Variants in SAMD12 observed in about 807,000 individuals in gnomAD.
The protein encoded by SAMD12 is sterile alpha motif domain-containing protein 12.
A neutral mutation model predicts 15.0 loss-of-function variants in SAMD12; 9 were observed. The ratio of observed to expected loss-of-function variants is 0.60; its 90% CI spans 0.36 to 1.05. The LOEUF (loss-of-function observed/expected upper bound fraction) is 1.05. Among genes scored for constraint, SAMD12 ranks in the 50% least tolerant of loss-of-function variants. The pLI is 0.01. For missense variants in SAMD12, 230 were observed against 234.2 expected, an observed-to-expected ratio of 0.98 and a Z score of 0.12; for synonymous variants, 86 against 90.1, an observed-to-expected ratio of 0.96 and a Z score of 0.25.
intron 4 of SAMD12, among the ~76,000 whole-genome samples, chr8:118,318,485 T>A (rs1291299596): frequency 6.6e-6 from 1 of 151,566 alleles, no homozygotes; most frequent in Non-Finnish European, 1.5e-5. Context: ...CAAATACCCA[T>A]ATGTTCTCAC....
At chr8:118,506,260 A>G (rs1824917130) in intron 2 of SAMD12, among the ~76,000 whole-genome samples, 1 of 152,200 alleles carries the variant, frequency 6.6e-6, no homozygotes, top group South Asian at 2.1e-4. Context: ...TTGCATTGTT[A>G]TCTTTAGTTT....
At chr8:118,542,269 T>C (rs1826007167) in intron 2 of SAMD12, among the ~76,000 whole-genome samples, 1 of 152,192 alleles carries the variant, frequency 6.6e-6, no homozygotes, top group Non-Finnish European at 1.5e-5. Flanking sequence ...TTGAGATCTG[T>C]GAAGATAACT....
chr8:118,225,230 A>G (rs184566727), intron 4 of SAMD12, among the ~76,000 whole-genome samples: 2 of 152,310 alleles, frequency 1.3e-5, no homozygotes, highest in African/African-American at 2.4e-5. Context: ...CCAAAAAACT[A>G]TGCCCCATTC....
At chr8:118,501,229 T>G (rs911004264) in intron 2 of SAMD12, among the ~76,000 whole-genome samples, 1 of 152,240 alleles carries the variant, frequency 6.6e-6, no homozygotes, top group East Asian at 1.9e-4. Flanking sequence ...TCTTGTTTTA[T>G]TCTCTCAATG....
At chr8:118,618,567 C>T (rs1360390371) in intron 1 of SAMD12, among the ~76,000 whole-genome samples, 2 of 152,058 alleles carry the variant, frequency 1.3e-5, no homozygotes, top group Admixed American at 1.3e-4. Context: ...GAGCAGGGCA[C>T]GGTGGCTCAC....
chr8:118,532,737 T>C (rs963363270), intron 2 of SAMD12, among the ~76,000 whole-genome samples: 1 of 152,224 alleles, frequency 6.6e-6, no homozygotes, highest in African/African-American at 2.4e-5. Flanking sequence ...GAGGTGTTTA[T>C]AGCATTCTCT....
chr8:118,599,180 G>C lies in SAMD12; in HGVS notation c.14-18287C>G, dbSNP rs138644502. On this transcript the variant is annotated intron_variant, in intron 1 of 3. Coordinates refer to ENST00000314727, the MANE Select transcript of SAMD12 (RefSeq NM_207506.3). Reference sequence around the variant, plus strand: ...CTAATTCTATTTTGAACTCAAAATGGATGGCGTGTACTTTGTAGTCTGGCA... The same window carrying C: ...CTAATTCTATTTTGAACTCAAAATGCATGGCGTGTACTTTGTAGTCTGGCA... Among the ~76,000 whole-genome samples the C allele has an allele frequency of 5.5e-3, 845 of 152,288 alleles. 8 individuals carry two copies. The highest frequency in any genetic ancestry group is 0.019 in the African/African-American group (810 of 41,558).
intron 2 of SAMD12, among the ~76,000 whole-genome samples, chr8:118,501,424 TACCAC>T (rs1824778705): frequency 6.6e-6 from 1 of 152,214 alleles, no homozygotes; most frequent in African/African-American, 2.4e-5. Flanking sequence ...TCATACTGTA[TACCAC>T]ATATATATAC....
At chr8:118,389,502 G>A (rs1820153910) in intron 3 of SAMD12, among the ~76,000 whole-genome samples, 1 of 152,132 alleles carries the variant, frequency 6.6e-6, no homozygotes, top group South Asian at 2.1e-4. Context: ...TCAGGAGTTC[G>A]AGGCCAGCCT....
chr8:118,484,445 A>T (rs150092450), intron 2 of SAMD12, among the ~76,000 whole-genome samples: 1 of 152,288 alleles, frequency 6.6e-6, no homozygotes, highest in African/African-American at 2.4e-5. Flanking sequence ...TTATCACAAA[A>T]TAATAAAAAT....
At chr8:118,440,657 A>AAAACAC (rs1427448676) in intron 2 of SAMD12, among the ~76,000 whole-genome samples, 81 of 142,210 alleles carry the variant, frequency 5.7e-4, no homozygotes, top group African/African-American at 2.1e-3. Flanking sequence ...TTATGAGGAA[A>AAAACAC]ACACACACAC....
intron 4 of SAMD12, among the ~76,000 whole-genome samples, chr8:118,258,961 C>G (rs942970535): frequency 6.6e-6 from 1 of 152,090 alleles, no homozygotes; most frequent in Non-Finnish European, 1.5e-5. Flanking sequence ...TGTGGATTCT[C>G]ATTTTAGATG....
At chr8:118,240,545 G>A (rs188082520) in intron 4 of SAMD12, among the ~76,000 whole-genome samples, 3 of 152,198 alleles carry the variant, frequency 2.0e-5, no homozygotes, top group African/African-American at 7.2e-5. Context: ...CAAAATGGAG[G>A]TAATAATGGT....
chr8:118,398,264 T>A (rs1820688355), intron 3 of SAMD12, among the ~76,000 whole-genome samples: 1 of 152,130 alleles, frequency 6.6e-6, no homozygotes, highest in Admixed American at 6.5e-5. Flanking sequence ...CTGGGCATGG[T>A]GGCACATGCC....
At chr8:118,151,883 G>T in the SAMD12 span, among the ~76,000 whole-genome samples, 5 of 149,326 alleles carry the variant, frequency 3.3e-5, no homozygotes, top group Non-Finnish European at 7.5e-5. Flanking sequence ...CAATGCAAAA[G>T]ATATAACATG....
chr8:118,146,955 C>T, the SAMD12 span, among the ~76,000 whole-genome samples: 2 of 152,072 alleles, frequency 1.3e-5, no homozygotes, highest in African/African-American at 4.8e-5. Flanking sequence ...TGGTGATTGC[C>T]ATTTCCATGC....
downstream of SAMD12, among the ~76,000 whole-genome samples, chr8:118,187,258 TTTAG>T (rs1222458992): frequency 1.3e-5 from 2 of 152,202 alleles, no homozygotes. Flanking sequence ...AAAGCTTGTT[TTTAG>T]TTAATTTTTC....
intron 4 of SAMD12, among the ~76,000 whole-genome samples, chr8:118,290,850 T>C (rs558538228): frequency 6.6e-6 from 1 of 152,204 alleles, no homozygotes; most frequent in East Asian, 1.9e-4. Flanking sequence ...ATATGAAAAA[T>C]AATTAGTCTT....
At chr8:118,198,693 GA>G (rs955500897) in intron 4 of SAMD12, among the ~76,000 whole-genome samples, 1 of 151,924 alleles carries the variant, frequency 6.6e-6, no homozygotes, top group Non-Finnish European at 1.5e-5. Context: ...TTGAGAAAAT[GA>G]AAAAATAAAA....
Sources: allele counts gnomAD v4.1 joint callset (sites outside exome capture counted in the v4.1 genomes callset), GRCh38; gene constraint gnomAD v4.1.1; transcripts MANE v1.5; gene names NCBI Gene and HGNC (gene_info 2026-07-23, HGNC 2026-07-21).